Variants in SMIM31 observed in about 807,000 individuals in gnomAD.
SMIM31 encodes small integral membrane protein 31.
intron 2 of SMIM31, among the ~76,000 whole-genome samples, chr4:164,794,599 G>A (rs895894198): frequency 2.0e-5 from 3 of 152,134 alleles, no homozygotes; most frequent in Non-Finnish European, 2.9e-5. Flanking sequence ...AAGGTCAAGA[G>A]ATCAAGACCA....
At chr4:164,795,434 T>G (rs1288126632) in intron 2 of SMIM31, among the ~76,000 whole-genome samples, 1 of 151,558 alleles carries the variant, frequency 6.6e-6, no homozygotes, top group East Asian at 1.9e-4. Context: ...GGTGGTCGCC[T>G]GTAATCCCAG....
At chr4:164,770,921 A>C (rs1253596873) in intron 2 of SMIM31, among the ~76,000 whole-genome samples, 1 of 152,186 alleles carries the variant, frequency 6.6e-6, no homozygotes, top group Non-Finnish European at 1.5e-5. Context: ...AACCATAGTT[A>C]CCATAGTTCA....
chr4:164,797,444 A>T (rs1733213887), intron 2 of SMIM31, among the ~76,000 whole-genome samples: 1 of 149,224 alleles, frequency 6.7e-6, no homozygotes, highest in Non-Finnish European at 1.5e-5. Flanking sequence ...GTATTTAGAG[A>T]GTAAAGTGCA....
intron 2 of SMIM31, among the ~76,000 whole-genome samples, chr4:164,792,775 C>T (rs911324929): frequency 5.3e-5 from 8 of 152,144 alleles, no homozygotes; most frequent in South Asian, 4.2e-4. Context: ...AAAAATTTAT[C>T]ATAAAATTCA....
intron 1 of SMIM31, among the ~76,000 whole-genome samples, chr4:164,766,543 A>G (rs1457635966): frequency 1.3e-5 from 2 of 152,192 alleles, no homozygotes; most frequent in Admixed American, 1.3e-4. Flanking sequence ...TCACGTCTGT[A>G]ATCCCAGCAC....
chr4:164,796,193 A>G (rs1733193053), intron 2 of SMIM31, among the ~76,000 whole-genome samples: 1 of 152,266 alleles, frequency 6.6e-6, no homozygotes, highest in Non-Finnish European at 1.5e-5. Context: ...TCAAACCACC[A>G]TGTGTAAAAT....
At chr4:164,768,009 G>A (rs1579063098) in intron 1 of SMIM31, among the ~76,000 whole-genome samples, 1 of 152,010 alleles carries the variant, frequency 6.6e-6, no homozygotes, top group East Asian at 1.9e-4. Flanking sequence ...CAAGGTGGGT[G>A]ATTGCTTGAA....
At chr4:164,800,731 A>G (rs1190112110) in intron 2 of SMIM31, among the ~76,000 whole-genome samples, 1 of 152,112 alleles carries the variant, frequency 6.6e-6, no homozygotes, top group Non-Finnish European at 1.5e-5. Flanking sequence ...CTCTGTCTTT[A>G]TATGTGACAT....
At chr4:164,780,156 G>A (rs768898739) in intron 2 of SMIM31, among the ~76,000 whole-genome samples, 4 of 152,162 alleles carry the variant, frequency 2.6e-5, no homozygotes, top group African/African-American at 7.2e-5. Context: ...GGCCGGGCGC[G>A]GTGGCTCACA....
At chr4:164,800,396 T>A (rs4362780) in intron 2 of SMIM31, among the ~76,000 whole-genome samples, 52,301 of 151,830 alleles carry the variant, frequency 0.34, 9,652 homozygotes, top group East Asian at 0.43. Context: ...TTAGTAGAGA[T>A]GGGATTTCGC....
chr4:164,772,828 T>C (rs1320873656), intron 2 of SMIM31, among the ~76,000 whole-genome samples: 1 of 151,620 alleles, frequency 6.6e-6, no homozygotes, highest in Non-Finnish European at 1.5e-5. Context: ...TCCGCCCGCC[T>C]CGGCCTCCCA....
chr4:164,780,255 G>A lies in SMIM31; in HGVS notation c.112+9700G>A, dbSNP rs186860245. Among the ~76,000 whole-genome samples the A allele has an allele frequency of 4.0e-3, 611 of 152,204 alleles. 15 individuals carry two copies. Among genetic ancestry groups the A allele is most frequent in the Non-Finnish European group, 1.4e-3 (95 of 67,998 alleles). On this transcript the variant is annotated intron_variant, in intron 2 of 2. Transcript: ENST00000507311. The stretch of plus-strand genomic sequence containing the variant: ...AGCCTGGCCAACATGGTGAAACCCC[G>A]TCTCTACTAAAAATACAAAAAATTA...
intron 2 of SMIM31, among the ~76,000 whole-genome samples, chr4:164,794,127 A>G (rs1352690214): frequency 6.6e-6 from 1 of 152,208 alleles, no homozygotes; most frequent in Non-Finnish European, 1.5e-5. Flanking sequence ...CTGTAACCCC[A>G]GCATTTTGGG....
At chr4:164,796,653 G>C (rs1733199506) in intron 2 of SMIM31, among the ~76,000 whole-genome samples, 1 of 152,018 alleles carries the variant, frequency 6.6e-6, no homozygotes, top group Non-Finnish European at 1.5e-5. Flanking sequence ...AAAGTTGTTG[G>C]CAACTCCATC....
At chr4:164,757,551 CT>C (rs1024520653) in intron 1 of SMIM31, among the ~76,000 whole-genome samples, 5 of 151,556 alleles carry the variant, frequency 3.3e-5, no homozygotes, top group African/African-American at 1.2e-4. Context: ...ACTGTTTTAG[CT>C]TTTACATTCA....
intron 1 of SMIM31, among the ~76,000 whole-genome samples, chr4:164,760,738 TAAAAA>T (rs60710008): frequency 1.2e-4 from 10 of 86,252 alleles, no homozygotes; most frequent in South Asian, 4.7e-4. Context: ...AGACTCCACC[TAAAAA>T]AAAAAAAAAA....
intron 2 of SMIM31, among the ~76,000 whole-genome samples, chr4:164,782,535 C>A (rs544947596): frequency 8.8e-4 from 132 of 149,312 alleles, no homozygotes; most frequent in African/African-American, 3.1e-3. Context: ...CCCCCCACCA[C>A]GCCCGGCTAA....
chr4:164,788,148 G>A (rs1733050652), intron 2 of SMIM31, among the ~76,000 whole-genome samples: 1 of 152,088 alleles, frequency 6.6e-6, no homozygotes, highest in African/African-American at 2.4e-5. Flanking sequence ...TGAACCCACT[G>A]GTCCCTGTTT....
In SMIM31 at chr4:164,754,165, C is replaced by A. The variant is rs1732521193; in HGVS notation, c.-272C>A. 6.6e-6 allele frequency: 1 copy of A among 152,158 alleles called. No individual in the cohort carries two copies. Among genetic ancestry groups the A allele is most frequent in the African/African-American group, 2.4e-5 (1 of 41,412 alleles). The allele number at this position is 152,158 out of a possible 1,614,324, so 9.4% of individuals were successfully genotyped here. A position where few individuals can be genotyped will look rare whatever the true frequency, so the allele number is the denominator to read the frequency against. The stretch of plus-strand genomic sequence containing the variant: ...TTGATCCTTCACAAGGGAAGATTTT[C>A]TTTTTTAGAGGTACAGATTCCTCTT... On this transcript the variant is annotated 5_prime_UTR_variant, in exon 1 of 3. Transcript: ENST00000507311.
Sources: allele counts gnomAD v4.1 joint callset (sites outside exome capture counted in the v4.1 genomes callset), GRCh38; gene constraint gnomAD v4.1.1; transcripts MANE v1.5; gene names NCBI Gene and HGNC (gene_info 2026-07-23, HGNC 2026-07-21).